Variants in GPR176 observed in about 807,000 individuals in gnomAD.
GPR176 encodes the protein G-protein coupled receptor 176.
GPR176 carries 26 observed loss-of-function variants against 35.4 expected under a neutral mutation model. The ratio of observed to expected loss-of-function variants is 0.74; its 90% CI spans 0.54 to 1.02. The LOEUF (loss-of-function observed/expected upper bound fraction) is 1.02. GPR176 is among the 50% of genes least tolerant of loss of function. GPR176 has a pLI of 0.00. For synonymous variants in GPR176, 278 were observed against 271.3 expected (o/e 1.02, Z -0.24); for missense variants, 597 against 665.3 (o/e 0.90, Z 1.13).
At chr15:39,835,665 G>A (rs1396321519) in intron 1 of GPR176, among the ~76,000 whole-genome samples, 1 of 152,206 alleles carries the variant, frequency 6.6e-6, no homozygotes, top group East Asian at 1.9e-4. Flanking sequence ...AGAAGCTGGA[G>A]AAAGGGCAGT....
rs141322499 is a variant in GPR176, at chr15:39,905,780, G to A, written c.172+14075C>T. ...GCAAAATTATGGAAATGTAGAACAT[G>A]TTAGTGGTTGCCAAGGGTGAAGGAG... On this transcript the variant is annotated intron_variant, in intron 1 of 2. Transcript: ENST00000561100. Among the ~76,000 whole-genome samples, 664 of 149,522 alleles carry A rather than the reference G, an allele frequency of 4.4e-3. 6 individuals carry two copies. Among genetic ancestry groups the A allele is most frequent in the Non-Finnish European group, 7.5e-3 (503 of 67,280 alleles).
At chr15:39,803,271 CTTTTTTTTTT>C (rs769645892) in intron 2 of GPR176, among the ~76,000 whole-genome samples, 103 of 85,574 alleles carry the variant, frequency 1.2e-3, no homozygotes, top group East Asian at 2.3e-3. Flanking sequence ...ACAAGTACTT[CTTTTTTTTTT>C]TTTTTTTTTT....
intron 1 of GPR176, among the ~76,000 whole-genome samples, chr15:39,891,055 G>A (rs1381798796): frequency 6.6e-6 from 1 of 152,008 alleles, no homozygotes. Context: ...ATGTAACAAT[G>A]ATGATAATAA....
At chr15:39,811,782 A>G (rs899784686) in intron 1 of GPR176, among the ~76,000 whole-genome samples, 6 of 152,200 alleles carry the variant, frequency 3.9e-5, no homozygotes, top group African/African-American at 7.2e-5. Flanking sequence ...CGGGCGTAGT[A>G]GTGGGTGCCT....
At chr15:39,861,636 G>A (rs1040981946) in intron 1 of GPR176, among the ~76,000 whole-genome samples, 3 of 150,540 alleles carry the variant, frequency 2.0e-5, no homozygotes, top group African/African-American at 7.3e-5. Flanking sequence ...TTTCTTTTTT[G>A]TTCAGGATTT....
chr15:39,840,854 G>A (rs552595572), intron 1 of GPR176, among the ~76,000 whole-genome samples: 2 of 152,236 alleles, frequency 1.3e-5, no homozygotes, highest in Admixed American at 1.3e-4. Flanking sequence ...TATTTTACAT[G>A]TATCCTATCA....
chr15:39,912,505 G>A (rs1595526414), intron 1 of GPR176, among the ~76,000 whole-genome samples: 1 of 151,590 alleles, frequency 6.6e-6, no homozygotes, highest in Admixed American at 6.6e-5. Flanking sequence ...TGTAGTCCCA[G>A]CTACTTGGAG....
intron 1 of GPR176, among the ~76,000 whole-genome samples, chr15:39,886,273 T>C (rs1337449489): frequency 1.3e-5 from 2 of 151,974 alleles, no homozygotes; most frequent in Admixed American, 6.6e-5. Context: ...TATTAGACTT[T>C]GCCTACCAGG....
chr15:39,894,780 C>T (rs565168372), intron 1 of GPR176, among the ~76,000 whole-genome samples: 139 of 151,784 alleles, frequency 9.2e-4, no homozygotes, highest in African/African-American at 3.1e-3. Context: ...AGATGATGGG[C>T]GGCCAGGCAG....
At chr15:39,805,803 C>T (rs1281670841) in intron 2 of GPR176, among the ~76,000 whole-genome samples, 1 of 152,220 alleles carries the variant, frequency 6.6e-6, no homozygotes, top group African/African-American at 2.4e-5. Context: ...CTAACACAGG[C>T]CATAAATAAT....
At chr15:39,856,549 C>A (rs2031234569) in intron 1 of GPR176, among the ~76,000 whole-genome samples, 1 of 152,162 alleles carries the variant, frequency 6.6e-6, no homozygotes, top group African/African-American at 2.4e-5. Context: ...GCTCTGTTCA[C>A]CCACATGGCT....
intron 1 of GPR176, among the ~76,000 whole-genome samples, chr15:39,912,937 T>G (rs769873645): frequency 6.6e-6 from 1 of 152,164 alleles, no homozygotes; most frequent in Non-Finnish European, 1.5e-5. Context: ...CCATATGATA[T>G]AGCAATTTCA....
intron 1 of GPR176, among the ~76,000 whole-genome samples, chr15:39,874,720 TTAA>T (rs1288911735): frequency 1.3e-5 from 2 of 152,030 alleles, no homozygotes; most frequent in African/African-American, 2.4e-5. Flanking sequence ...TTACATGAGG[TTAA>T]TAATGTCACA....
chr15:39,804,266 C>T (rs964327082), intron 2 of GPR176, among the ~76,000 whole-genome samples: 13 of 152,064 alleles, frequency 8.5e-5, no homozygotes, highest in Non-Finnish European at 1.9e-4. Flanking sequence ...TCCCGATGAA[C>T]TTGCTGACTT....
intron 1 of GPR176, among the ~76,000 whole-genome samples, chr15:39,847,532 T>G (rs544493556): frequency 2.8e-4 from 43 of 151,986 alleles, no homozygotes; most frequent in African/African-American, 8.9e-4. Flanking sequence ...TCACTTAAGG[T>G]CAGGAGTTCA....
At chr15:39,808,988 A>G (rs1419552425) in intron 1 of GPR176, among the ~76,000 whole-genome samples, 1 of 152,194 alleles carries the variant, frequency 6.6e-6, no homozygotes, top group Non-Finnish European at 1.5e-5. Flanking sequence ...ACTTTTAGAC[A>G]GAGTCCACAG....
At chr15:39,854,804 C>A (rs888855795) in intron 1 of GPR176, among the ~76,000 whole-genome samples, 3 of 151,986 alleles carry the variant, frequency 2.0e-5, no homozygotes, top group East Asian at 1.9e-4. Context: ...TGGGAGCCTG[C>A]GGTGGGAGGA....
Position 39,802,035 on chromosome 15 carries a change from A to G in GPR176, c.645T>C (p.Ile215=), listed in dbSNP as rs376844421. The change falls in exon 3 of 3, where the codon ATT becomes ATC. Residue 215 remains isoleucine (I), a synonymous_variant. Transcript: ENST00000561100. ...YVLVYNITTV[I]VPVVVVFLFL... ...AGAGGAACACCACCACCACAGGCAC[A>G]ATGACCGTGGTGATGTTATACACCA... 141 of 1,613,938 alleles carry G rather than the reference A, an allele frequency of 8.7e-5. No individual in the cohort carries two copies. The highest frequency in any genetic ancestry group is 1.2e-4 in the Non-Finnish European group (137 of 1,179,996).
chr15:39,821,754 A>T (rs948026669), intron 1 of GPR176, among the ~76,000 whole-genome samples: 6 of 152,234 alleles, frequency 3.9e-5, no homozygotes, highest in Non-Finnish European at 8.8e-5. Context: ...AGATAAGATT[A>T]TGTAAGTCTT....
Sources: allele counts gnomAD v4.1 joint callset (sites outside exome capture counted in the v4.1 genomes callset), GRCh38; gene constraint gnomAD v4.1.1; transcripts MANE v1.5; gene names NCBI Gene and HGNC (gene_info 2026-07-23, HGNC 2026-07-21).